Variants in DCAF5 observed in about 807,000 individuals in gnomAD.
The protein encoded by DCAF5 is DDB1- and CUL4-associated factor 5.
In DCAF5, 9 loss-of-function variants were observed where a neutral mutation model predicts 80.7. That is an observed-to-expected ratio of 0.11 (90% CI 0.07 to 0.19). DCAF5 has a LOEUF of 0.19. DCAF5 is among the 10% of genes least tolerant of loss of function. DCAF5 has a pLI of 1.00. For missense variants in DCAF5, 842 were observed against 1,205.7 expected (o/e 0.70, Z 4.47); for synonymous variants, 433 against 461.9 (o/e 0.94, Z 0.80).
At chr14:69,097,534 G>C (rs2039768294) in intron 5 of DCAF5, among the ~76,000 whole-genome samples, 1 of 150,190 alleles carries the variant, frequency 6.7e-6, no homozygotes, top group Non-Finnish European at 1.5e-5. Context: ...AGAAATACTT[G>C]TGACCATCTA....
Position 69,152,736 on chromosome 14 carries a change from G to A in DCAF5, c.214+29C>T. 1.3e-6 allele frequency: 2 copies of A among 1,579,202 alleles called. No homozygotes were observed. Among genetic ancestry groups the A allele is most frequent in the Non-Finnish European group, 1.7e-6 (2 of 1,159,534 alleles). On this transcript the variant is annotated intron_variant, in intron 1 of 8. Coordinates refer to ENST00000341516, the MANE Select transcript of DCAF5 (RefSeq NM_003861.3). The surrounding 1 kb of genome is among the most constrained non-coding windows in gnomAD (Gnocchi z 4.1). Reference sequence around the variant, plus strand: ...GGGGAGGCTGGGAGGGTGCGGGGAGGCGCGGGGAGGGGAAGGGGGTTGATT... The same window carrying A: ...GGGGAGGCTGGGAGGGTGCGGGGAGACGCGGGGAGGGGAAGGGGGTTGATT...
chr14:69,101,175 C>G lies in DCAF5; in HGVS notation c.666-9288G>C, dbSNP rs765390016. 7.6e-4 allele frequency among the ~76,000 whole-genome samples: 115 copies of G among 152,252 alleles called. 1 individual carries two copies. Among genetic ancestry groups the G allele is most frequent in the Non-Finnish European group, 3.5e-4 (24 of 68,022 alleles). On this transcript the variant is annotated intron_variant, in intron 5 of 8. Coordinates refer to ENST00000341516, the MANE Select transcript of DCAF5 (RefSeq NM_003861.3). ...AAGTTTTTTCTGCTTCTTGGTTCAA[C>G]AAGATTTCACAGAATATGCTGTGGA... is the stretch of plus-strand genomic sequence containing the variant.
chr14:69,104,464 T>C (rs762437442), intron 5 of DCAF5, among the ~76,000 whole-genome samples: 17 of 152,180 alleles, frequency 1.1e-4, no homozygotes, highest in Admixed American at 2.6e-4. Context: ...AGGAATATGC[T>C]AAATTACAGT....
chr14:69,073,759 T>C (rs922850042), intron 7 of DCAF5, among the ~76,000 whole-genome samples: 8 of 152,212 alleles, frequency 5.3e-5, no homozygotes, highest in Admixed American at 2.0e-4. Flanking sequence ...TTCCAGAGAA[T>C]AGTCCTGGGG....
rs35075766 is a variant in DCAF5 at position 69,105,914 on chromosome 14, CATATATATATATATATATAT to C, written c.665+10432_665+10451del. Among the ~76,000 whole-genome samples the C allele has an allele frequency of 5.2e-4, 26 of 49,970 alleles. 1 individual carries two copies. Among genetic ancestry groups the C allele is most frequent in the African/African-American group, 9.3e-4 (23 of 24,766 alleles). 32.8% of individuals were successfully genotyped at this position (49,970 alleles called of 152,430 possible). On this transcript the variant is annotated intron_variant, in intron 5 of 8. Transcript: ENST00000341516. ...GAGCCAATTTTCCCTAATAAACTGT[CATATATATATATATATATAT>C]ATATATATATATCTCCTATTGGTTC...
At chr14:69,062,213 G>C (rs2038240740) in intron 8 of DCAF5, among the ~76,000 whole-genome samples, 171 bp downstream of exon 8, 1 of 152,052 alleles carries the variant, frequency 6.6e-6, no homozygotes, top group African/African-American at 2.4e-5. Context: ...ACTATGCCTG[G>C]CATCACTTTT....
intron 6 of DCAF5, among the ~76,000 whole-genome samples, chr14:69,078,931 C>T (rs1387621620): frequency 3.9e-5 from 6 of 151,984 alleles, no homozygotes; most frequent in African/African-American, 9.7e-5. Context: ...GGTGCAATCT[C>T]GGCTCACTGC....
At chr14:69,094,787 T>TA (rs148996794) in intron 5 of DCAF5, among the ~76,000 whole-genome samples, 5,218 of 152,114 alleles carry the variant, frequency 0.034, 289 homozygotes, top group African/African-American at 0.12. Context: ...TCTAGGACTT[T>TA]AAAAAATGTA....
intron 8 of DCAF5, among the ~76,000 whole-genome samples, chr14:69,056,829 A>AT (rs137898187): frequency 0.013 from 2,013 of 152,230 alleles, 43 homozygotes; most frequent in African/African-American, 0.047. Flanking sequence ...AGGACCCCCC[A>AT]TTTCCAAAGA....
In DCAF5 at chr14:69,053,478, T is replaced by C. The variant is rs562073747; in HGVS notation, c.*379A>G. The C allele has an allele frequency of 5.1e-4, 89 of 173,812 alleles. No individual in the cohort carries two copies. Among genetic ancestry groups the C allele is most frequent in the Admixed American group, 4.5e-3 (79 of 17,632 alleles). The allele number at this position is 173,812 out of a possible 1,614,324, so 10.8% of individuals were successfully genotyped here. On this transcript the variant is annotated 3_prime_UTR_variant, in exon 9 of 9. Transcript: ENST00000341516. ...GTACAAATTCATAGGTCCTTTCTGATGGAGAACTAAAAGGAAGGTCTTATG... is the reference window on the plus strand; with the variant it reads ...GTACAAATTCATAGGTCCTTTCTGACGGAGAACTAAAAGGAAGGTCTTATG...
chr14:69,128,234 C>T (rs1275412), intron 1 of DCAF5, among the ~76,000 whole-genome samples: 36,980 of 150,924 alleles, frequency 0.25, 5,867 homozygotes, highest in Middle Eastern at 0.43. Context: ...TCACCCAGGC[C>T]GGAGTGCAGT....
chr14:69,066,523 G>A (rs979452445), intron 7 of DCAF5, among the ~76,000 whole-genome samples: 10 of 152,214 alleles, frequency 6.6e-5, no homozygotes, highest in Admixed American at 4.6e-4. Flanking sequence ...AGATGGTAGG[G>A]GGGTAGGGAA....
intron 6 of DCAF5, chr14:69,090,891 G>A (rs2039508743): frequency 5.4e-6 from 3 of 556,396 alleles, no homozygotes; most frequent in Admixed American, 3.0e-5. Flanking sequence ...TTGTGCTTGA[G>A]AATAAAAAAT....
intron 6 of DCAF5, among the ~76,000 whole-genome samples, chr14:69,082,647 C>A (rs1421436477): frequency 1.3e-5 from 2 of 152,136 alleles, no homozygotes; most frequent in African/African-American, 2.4e-5. Flanking sequence ...AACCATTAGC[C>A]CCCCTCCATG....
intron 5 of DCAF5, among the ~76,000 whole-genome samples, chr14:69,097,953 G>A (rs1037536049): frequency 2.0e-5 from 3 of 152,066 alleles, no homozygotes; most frequent in Non-Finnish European, 4.4e-5. Flanking sequence ...CCATGCTTCA[G>A]TTTATCCTTA....
At chr14:69,132,148 GTA>G (rs1259979918) in intron 1 of DCAF5, among the ~76,000 whole-genome samples, 2 of 152,068 alleles carry the variant, frequency 1.3e-5, no homozygotes, top group Non-Finnish European at 2.9e-5. Context: ...ATTCTTTTGG[GTA>G]TATAACCAGA....
intron 1 of DCAF5, among the ~76,000 whole-genome samples, chr14:69,150,240 G>A (rs1259321435): frequency 6.6e-6 from 1 of 151,926 alleles, no homozygotes; most frequent in East Asian, 1.9e-4. Context: ...GCTAGAGGGA[G>A]TATGGGGGGA....
chr14:69,079,875 A>G (rs2039036926), intron 6 of DCAF5, among the ~76,000 whole-genome samples: 1 of 152,188 alleles, frequency 6.6e-6, no homozygotes, highest in African/African-American at 2.4e-5. Flanking sequence ...GGTGACAAAT[A>G]TTACAGAGGA....
chr14:69,104,861 A>C (rs2040081599), intron 5 of DCAF5, among the ~76,000 whole-genome samples: 2 of 151,690 alleles, frequency 1.3e-5, no homozygotes, highest in Admixed American at 1.3e-4. Flanking sequence ...CTGTCTTTAA[A>C]AAAAAAAAAA....
Sources: gnomAD v4.1 joint callset for allele counts (sites outside exome capture counted in the v4.1 genomes callset) on GRCh38, gnomAD v4.1.1 for gene constraint, Gnocchi (gnomAD v3.1) non-coding constraint, MANE v1.5 for transcripts, NCBI Gene and HGNC (gene_info 2026-07-23, HGNC 2026-07-21) for gene names.